Variants in TFB1M observed in about 807,000 individuals in gnomAD.
TFB1M encodes the protein dimethyladenosine transferase 1, mitochondrial.
Under a neutral mutation model 31.1 loss-of-function variants are expected in TFB1M, and 27 were observed. That is an observed-to-expected ratio of 0.87 (90% confidence interval 0.64 to 1.20). The LOEUF is 1.20. Ranked by LOEUF, TFB1M falls within the 50% of genes most tolerant of loss-of-function variation. The pLI, the probability that TFB1M is intolerant of heterozygous loss-of-function variation, is 0.00. For missense variants in TFB1M, 394 were observed against 418.7 expected (o/e 0.94, Z 0.51); for synonymous variants, 166 against 151.8 (o/e 1.09, Z -0.69).
At position 155,257,440 on chromosome 6, in the gene TFB1M, A is replaced by G; in HGVS notation, c.*396T>C. 1 of 344,516 alleles carries G rather than the reference A, an allele frequency of 2.9e-6. No individual in the cohort carries two copies. Among genetic ancestry groups the G allele is most frequent in the South Asian group, 3.6e-5 (1 of 28,092 alleles). 21.3% of individuals were successfully genotyped at this position (344,516 alleles called of 1,614,324 possible). A position where few individuals can be genotyped will look rare whatever the true frequency, so the allele number is the denominator to read the frequency against. ...AAGTAAGGCTGGGGAAGTCGTGATT[A>G]ATAGTTTTCAAAGGGCCATTTTTTA... On this transcript the variant is annotated 3_prime_UTR_variant, in exon 7 of 7. Transcript: ENST00000367166.
intron 2 of TFB1M, among the ~76,000 whole-genome samples, chr6:155,301,957 C>T (rs998678789): frequency 6.6e-6 from 1 of 151,802 alleles, no homozygotes. Flanking sequence ...GCCTTTAATA[C>T]AAGTTAAAAC....
intron 6 of TFB1M, among the ~76,000 whole-genome samples, chr6:155,259,523 AAGAG>A (rs1318038192): frequency 2.0e-5 from 3 of 152,380 alleles, no homozygotes; most frequent in Middle Eastern, 3.4e-3. Context: ...GACCTTGTGA[AAGAG>A]AGAATTACAA....
chr6:155,273,495 C>T (rs1041002622), intron 5 of TFB1M, among the ~76,000 whole-genome samples: 3 of 152,330 alleles, frequency 2.0e-5, no homozygotes, highest in South Asian at 4.1e-4. Context: ...AGGCATCAAT[C>T]TCCTTGCCGA....
intron 5 of TFB1M, among the ~76,000 whole-genome samples, chr6:155,283,341 A>G (rs1186069222): frequency 2.6e-5 from 4 of 152,178 alleles, no homozygotes; most frequent in Non-Finnish European, 5.9e-5. Context: ...CTGGATTACA[A>G]ATAAATCCCC....
chr6:155,259,980 T>C (rs1338631460), intron 6 of TFB1M, among the ~76,000 whole-genome samples: 1 of 152,222 alleles, frequency 6.6e-6, no homozygotes, highest in East Asian at 1.9e-4. Flanking sequence ...CCCATTATTA[T>C]CTGTCTTGAG....
intron 4 of TFB1M, among the ~76,000 whole-genome samples, chr6:155,288,726 T>C (rs755282625): frequency 3.9e-5 from 6 of 152,212 alleles, no homozygotes; most frequent in Non-Finnish European, 7.3e-5. Context: ...TATTTCAATT[T>C]AGAAAAAAGC....
At chr6:155,249,942 A>G in the TFB1M span, 1 of 1,614,086 alleles carries the variant, frequency 6.2e-7, no homozygotes, top group East Asian at 2.2e-5. Flanking sequence ...ACCAGCTAGT[A>G]GCTGAGCAGA....
At chr6:155,304,995 TA>T (rs1371738148) in intron 2 of TFB1M, among the ~76,000 whole-genome samples, 21 of 148,500 alleles carry the variant, frequency 1.4e-4, no homozygotes, top group African/African-American at 5.2e-4. Flanking sequence ...AAAATGGTGT[TA>T]AAAAAAGAAC....
At chr6:155,232,822 G>T in the TFB1M span, 2 of 152,142 alleles carry the variant, frequency 1.3e-5, no homozygotes, top group Non-Finnish European at 2.9e-5. Flanking sequence ...TGTTGGTTAC[G>T]TCTGTTACGG....
Position 155,279,558 on chromosome 6 carries a change from G to A in TFB1M, c.666+5600C>T, listed in dbSNP as rs146391821. Among the ~76,000 whole-genome samples, 38 of 152,316 alleles carry A rather than the reference G, an allele frequency of 2.5e-4. 2 individuals are homozygous for A. In the East Asian group the frequency reaches 6.6e-3, roughly 26 times the overall value. ...GTTAGACAGAAGTTCAGTTTTGGATGTGGACAATGTTTTCTCATATGTCTT... is the reference window on the plus strand; with the variant it reads ...GTTAGACAGAAGTTCAGTTTTGGATATGGACAATGTTTTCTCATATGTCTT... On this transcript the variant is annotated intron_variant, in intron 5 of 6. Coordinates refer to ENST00000367166, the MANE Select transcript of TFB1M (RefSeq NM_016020.4).
At chr6:155,260,155 C>A (rs4869849) in intron 6 of TFB1M, 118 bp downstream of exon 6, 736,622 of 1,156,412 alleles carry the variant, frequency 0.64, 240,466 homozygotes, top group East Asian at 0.98. Flanking sequence ...CCGTCACAGG[C>A]CTGAACTAAG....
At chr6:155,236,709 C>T in the TFB1M span, among the ~76,000 whole-genome samples, 1 of 152,140 alleles carries the variant, frequency 6.6e-6, no homozygotes, top group Admixed American at 6.6e-5. Context: ...TGGATGGCAG[C>T]AGGCAAAGAG....
chr6:155,260,268 CT>C lies in TFB1M; in HGVS notation c.794+4del, dbSNP rs1234617077. The stretch of plus-strand genomic sequence containing the variant: ...GCAACTGAAGAGAAGAAAAGGCATT[CT>C]TACCTGAGCCCTCGATGGCAGTATT... On this transcript the variant is annotated splice_donor_region_variant and intron_variant, in intron 6 of 6. Transcript: ENST00000367166. 1.2e-6 allele frequency: 2 copies of C among 1,614,224 alleles called. No homozygotes were observed. Among genetic ancestry groups the C allele is most frequent in the Non-Finnish European group, 1.7e-6 (2 of 1,180,028 alleles).
At chr6:155,254,648 C>T, downstream of TFB1M, 1 of 1,543,198 alleles carries the variant, frequency 6.5e-7, no homozygotes, top group Non-Finnish European at 8.9e-7. Flanking sequence ...GCTCTTGTAA[C>T]ATAGCTGTGA....
intron 5 of TFB1M, chr6:155,275,862 A>G: frequency 6.2e-7 from 1 of 1,614,090 alleles, no homozygotes; most frequent in South Asian, 1.1e-5. Context: ...GTACAGCTGC[A>G]CGGGCTCTGG....
At chr6:155,294,321 G>A (rs1012854659) in intron 4 of TFB1M, among the ~76,000 whole-genome samples, 3 of 152,054 alleles carry the variant, frequency 2.0e-5, no homozygotes, top group African/African-American at 4.8e-5. Context: ...AAAAGCACTA[G>A]ACATAAATTT....
intron 6 of TFB1M, among the ~76,000 whole-genome samples, 190 bp from the exon 7 acceptor site, chr6:155,258,272 A>T (rs916591765): frequency 6.6e-6 from 1 of 152,190 alleles, no homozygotes; most frequent in Non-Finnish European, 1.5e-5. Flanking sequence ...AGGCAGCTCT[A>T]ACCTGAGGCG....
chr6:155,240,251 G>A, the TFB1M span, among the ~76,000 whole-genome samples: 1 of 152,362 alleles, frequency 6.6e-6, no homozygotes, highest in East Asian at 1.9e-4. Context: ...CCTAGGCAAT[G>A]ACTCTGTAAT....
At chr6:155,278,706 G>A (rs1785337016) in intron 5 of TFB1M, among the ~76,000 whole-genome samples, 1 of 152,168 alleles carries the variant, frequency 6.6e-6, no homozygotes, top group Admixed American at 6.5e-5. Context: ...TCCAACCTGA[G>A]GGAACCAGGT....
Sources: allele counts gnomAD v4.1 joint callset (sites outside exome capture counted in the v4.1 genomes callset), GRCh38; gene constraint gnomAD v4.1.1; transcripts MANE v1.5; gene names NCBI Gene and HGNC (gene_info 2026-07-23, HGNC 2026-07-21).